The following IGF2BP3 variants were observed in gnomAD, a reference collection of about 807,000 sequenced individuals.
IGF2BP3 encodes insulin-like growth factor 2 mRNA-binding protein 3.
Under a neutral mutation model 73.8 loss-of-function variants are expected in IGF2BP3, and 9 were observed. The observed-to-expected ratio is 0.12, with a 90% CI of 0.07 to 0.21. IGF2BP3 has a LOEUF of 0.21. Among genes scored for constraint, IGF2BP3 ranks in the 10% least tolerant of loss-of-function variants. The pLI is 1.00. For missense variants in IGF2BP3, 542 were observed against 714.0 expected (o/e 0.76, Z 2.75); for synonymous variants, 258 against 256.7 (o/e 1.01, Z -0.05).
At chr7:23,327,348 T>G (rs1423130402) in intron 10 of IGF2BP3, among the ~76,000 whole-genome samples, 1 of 148,920 alleles carries the variant, frequency 6.7e-6, no homozygotes, top group Non-Finnish European at 1.5e-5. Flanking sequence ...TGGCGCAATC[T>G]CGGCTCACTG....
intron 3 of IGF2BP3, among the ~76,000 whole-genome samples, chr7:23,392,296 C>A (rs1467155016): frequency 2.0e-5 from 3 of 151,576 alleles, no homozygotes; most frequent in African/African-American, 7.3e-5. Context: ...ATGAGAAAGG[C>A]AACACTTTCT....
chr7:23,390,036 G>A lies in IGF2BP3; in HGVS notation c.286-28295C>T, dbSNP rs1786222881. Among the ~76,000 whole-genome samples, 2 of 152,058 alleles carry A rather than the reference G, an allele frequency of 1.3e-5. 1 individual carries two copies. Among genetic ancestry groups the A allele is most frequent in the Admixed American group, 1.3e-4 (2 of 15,252 alleles). ...TCAAAGATAGGCAAATATGCCAAGT[G>A]AAATAACGATGCTAGTTTTTGCAGA... On this transcript the variant is annotated intron_variant, in intron 3 of 14. Coordinates refer to ENST00000258729, the MANE Select transcript of IGF2BP3 (RefSeq NM_006547.3).
intron 5 of IGF2BP3, among the ~76,000 whole-genome samples, chr7:23,357,217 A>G (rs928739591): frequency 6.6e-6 from 1 of 152,084 alleles, no homozygotes; most frequent in Admixed American, 6.5e-5. Context: ...AAACATAACC[A>G]TATTTACCTT....
intron 10 of IGF2BP3, among the ~76,000 whole-genome samples, chr7:23,323,663 C>T (rs184813001): frequency 1.2e-4 from 18 of 152,052 alleles, no homozygotes; most frequent in African/African-American, 3.9e-4. Context: ...TGACCACATA[C>T]TTGGAAGTAA....
intron 2 of IGF2BP3, among the ~76,000 whole-genome samples, chr7:23,465,536 T>G (rs895833282): frequency 6.6e-6 from 1 of 151,272 alleles, no homozygotes; most frequent in Non-Finnish European, 1.5e-5. Flanking sequence ...CCCCCCAAGC[T>G]CCACTGGAAG....
intron 3 of IGF2BP3, among the ~76,000 whole-genome samples, chr7:23,382,616 C>T (rs1785946523): frequency 6.6e-6 from 1 of 152,068 alleles, no homozygotes; most frequent in Non-Finnish European, 1.5e-5. Flanking sequence ...AACTATCCTC[C>T]TACCATTAAT....
chr7:23,338,042 T>A (rs552056463), intron 10 of IGF2BP3, among the ~76,000 whole-genome samples: 3 of 152,128 alleles, frequency 2.0e-5, no homozygotes, highest in Admixed American at 2.0e-4. Flanking sequence ...CTAGTAACAA[T>A]ACATACCCAA....
chr7:23,439,554 CAAAAAAAA>C (rs11332929), intron 2 of IGF2BP3, among the ~76,000 whole-genome samples: 1 of 56,724 alleles, frequency 1.8e-5, no homozygotes, highest in African/African-American at 6.5e-5. Context: ...GACTCCGTCT[CAAAAAAAA>C]AAAAAAAAAA....
At chr7:23,328,072 G>A (rs1784351961) in intron 10 of IGF2BP3, among the ~76,000 whole-genome samples, 1 of 152,124 alleles carries the variant, frequency 6.6e-6, no homozygotes, top group Admixed American at 6.5e-5. Flanking sequence ...GCCCACCTAT[G>A]ACACAGGTGA....
chr7:23,408,483 A>C (rs1030674496), intron 3 of IGF2BP3, among the ~76,000 whole-genome samples: 4 of 152,232 alleles, frequency 2.6e-5, no homozygotes, highest in East Asian at 1.9e-4. Flanking sequence ...ATTTAGAAAA[A>C]AAAACAAAAC....
intron 11 of IGF2BP3, 114 bp from the exon 12 acceptor site, chr7:23,317,827 C>T (rs1562666678): frequency 1.2e-6 from 1 of 839,624 alleles, no homozygotes; most frequent in Non-Finnish European, 2.0e-6. Flanking sequence ...TTAAAGCCTT[C>T]GTGAAGGAAA....
chr7:23,383,388 G>C (rs1373069030), intron 3 of IGF2BP3, among the ~76,000 whole-genome samples: 1 of 152,164 alleles, frequency 6.6e-6, no homozygotes, highest in African/African-American at 2.4e-5. Context: ...AAAGATGCTT[G>C]ATATCATTAG....
chr7:23,331,774 T>C (rs985477040), intron 10 of IGF2BP3, among the ~76,000 whole-genome samples: 1 of 150,178 alleles, frequency 6.7e-6, no homozygotes, highest in Non-Finnish European at 1.5e-5. Context: ...GCAGGAGAAC[T>C]GCTTGAACCT....
intron 3 of IGF2BP3, among the ~76,000 whole-genome samples, chr7:23,393,751 T>C (rs529765687): frequency 6.6e-6 from 1 of 152,226 alleles, no homozygotes; most frequent in Non-Finnish European, 1.5e-5. Context: ...ATGTTCATTT[T>C]GCATGCCAAC....
At chr7:23,328,525 C>T (rs113261031) in intron 10 of IGF2BP3, among the ~76,000 whole-genome samples, 1 of 152,064 alleles carries the variant, frequency 6.6e-6, no homozygotes, top group Non-Finnish European at 1.5e-5. Context: ...ATATTTTTAA[C>T]AAAAACACTC....
At chr7:23,341,486 C>T (rs948073467) in intron 10 of IGF2BP3, among the ~76,000 whole-genome samples, 3 of 152,034 alleles carry the variant, frequency 2.0e-5, no homozygotes, top group Non-Finnish European at 4.4e-5. Context: ...AACAACATGG[C>T]GAAACCCTGT....
At chr7:23,412,698 C>G (rs1787062247) in intron 3 of IGF2BP3, among the ~76,000 whole-genome samples, 1 of 152,098 alleles carries the variant, frequency 6.6e-6, no homozygotes, top group Admixed American at 6.5e-5. Context: ...TACATAAGGT[C>G]TTATGCTTCA....
chr7:23,322,332 T>C (rs998219592), intron 10 of IGF2BP3, among the ~76,000 whole-genome samples: 2 of 151,978 alleles, frequency 1.3e-5, no homozygotes, highest in African/African-American at 4.8e-5. Flanking sequence ...CGATGGAAGA[T>C]GAAGTGAATG....
intron 10 of IGF2BP3, among the ~76,000 whole-genome samples, chr7:23,323,335 A>G (rs1332606545): frequency 2.1e-5 from 3 of 146,120 alleles, no homozygotes; most frequent in African/African-American, 8.0e-5. Context: ...GCCATTACAT[A>G]ATGGTAAAGG....
Sources: allele counts gnomAD v4.1 joint callset (sites outside exome capture counted in the v4.1 genomes callset), GRCh38; gene constraint gnomAD v4.1.1; transcripts MANE v1.5; gene names NCBI Gene and HGNC (gene_info 2026-07-23, HGNC 2026-07-21).